The following F13B variants were observed in gnomAD, a reference collection of about 807,000 sequenced individuals.
The protein encoded by F13B is coagulation factor XIII B chain.
F13B carries 58 observed loss-of-function variants against 79.8 expected under a neutral mutation model. That is an observed-to-expected ratio of 0.73 (90% CI 0.59 to 0.90). The LOEUF (loss-of-function observed/expected upper bound fraction) is 0.90, where lower values mean the gene tolerates loss of function less well. Ranked by LOEUF, F13B falls within the 40% of genes least tolerant of loss-of-function variation. The pLI, the probability that F13B is intolerant of heterozygous loss-of-function variation, is 0.00. For missense variants in F13B, 773 were observed against 777.0 expected (o/e 0.99, Z 0.06); for synonymous variants, 283 against 260.3 (o/e 1.09, Z -0.84).
In F13B at chr1:197,055,812, G is replaced by A; in HGVS notation, c.1257C>T (p.Ser419=). The A allele has an allele frequency of 3.1e-6, 5 of 1,613,474 alleles. No individual in the cohort carries two copies. The highest frequency in any genetic ancestry group is 4.2e-6 in the Non-Finnish European group (5 of 1,179,760). Residue 419 remains serine, a synonymous_variant, in exon 8 of 12, where the codon TCC becomes TCT. Coordinates refer to ENST00000367412, the MANE Select transcript of F13B (RefSeq NM_001994.3). The part of the protein sequence containing the change: ...DGILASYATG[S]SVEYRCNEYY... Reference sequence around the variant, plus strand: ...ATTCATTGCATCTATATTCCACTGAGGATCCTGTTGCATAGCTTGCCAATA... The same window carrying A: ...ATTCATTGCATCTATATTCCACTGAAGATCCTGTTGCATAGCTTGCCAATA...
intron 8 of F13B, among the ~76,000 whole-genome samples, chr1:197,055,258 G>A (rs1046902144): frequency 6.6e-6 from 1 of 151,896 alleles, no homozygotes; most frequent in Non-Finnish European, 1.5e-5. Flanking sequence ...TTCAGATGAG[G>A]ATGCGGTGGT....
At chr1:197,052,605 G>T (rs887394171) in intron 9 of F13B, 29 bp downstream of exon 9, 1 of 1,494,958 alleles carries the variant, frequency 6.7e-7, no homozygotes, top group Admixed American at 1.7e-5. Context: ...GTCAAGTAAA[G>T]ATACTTGCAG....
At chr1:197,059,648 A>C (rs551032255) in intron 5 of F13B, among the ~76,000 whole-genome samples, 1 of 152,296 alleles carries the variant, frequency 6.6e-6, no homozygotes, top group African/African-American at 2.4e-5. Flanking sequence ...ACCAATCAGA[A>C]TCTCTAATGT....
In F13B at chr1:197,062,959, A is replaced by AT. The variant is rs746736072; in HGVS notation, c.162dup (p.Leu55IlefsTer12). The AT allele has an allele frequency of 1.9e-6, 3 of 1,613,778 alleles. No individual in the cohort carries two copies. The highest frequency in any genetic ancestry group is 2.2e-5 in the East Asian group (1 of 44,846). On this transcript the variant is annotated frameshift_variant, in exon 2 of 12. Coordinates refer to ENST00000367412, the MANE Select transcript of F13B (RefSeq NM_001994.3). LOFTEE classifies it high-confidence loss of function. ...TAACCAGCCAAGCAGAAAAATGACA[A>AT]TTTTTTGTCTATGCTCATTGGAAAG...
chr1:197,063,415 C>A (rs1655940210), intron 1 of F13B, among the ~76,000 whole-genome samples: 1 of 152,012 alleles, frequency 6.6e-6, no homozygotes, highest in Admixed American at 6.6e-5. Flanking sequence ...ACCAGGAGCT[C>A]CTGGGCTTAA....
chr1:197,041,837 C>T (rs896896522), intron 10 of F13B, among the ~76,000 whole-genome samples: 4 of 152,014 alleles, frequency 2.6e-5, no homozygotes, highest in Non-Finnish European at 5.9e-5. Flanking sequence ...TTTCTTTTTC[C>T]TTCTTCACAC....
intron 10 of F13B, among the ~76,000 whole-genome samples, chr1:197,047,398 T>G (rs183140871): frequency 6.6e-6 from 1 of 152,188 alleles, no homozygotes; most frequent in Admixed American, 6.6e-5. Context: ...AACAGACATA[T>G]GAAAAAATGC....
chr1:197,053,242 A>G (rs1362754021), intron 8 of F13B, among the ~76,000 whole-genome samples: 2 of 152,132 alleles, frequency 1.3e-5, no homozygotes, highest in African/African-American at 4.8e-5. Flanking sequence ...CATAATAAAT[A>G]TAATAAAGAC....
chr1:197,044,758 G>A (rs950372257), intron 10 of F13B, among the ~76,000 whole-genome samples: 9 of 152,080 alleles, frequency 5.9e-5, no homozygotes, highest in African/African-American at 2.2e-4. Flanking sequence ...ATAACTGCAA[G>A]TAAAACACTC....
Position 197,057,324 on chromosome 1 carries a change from C to T in F13B, c.947G>A (p.Cys316Tyr), listed in dbSNP as rs1655682258. 2.5e-6 allele frequency: 4 copies of T among 1,613,834 alleles called. No individual in the cohort carries two copies. Among genetic ancestry groups the T allele is most frequent in the Non-Finnish European group, 3.4e-6 (4 of 1,179,934 alleles). ...AGGTTCTGTCCATTTTCCATCTTCA[C>T]AACGTATTTCTGCTGACCCATGGAT... ...FEIHGSAEIR[C>Y]EDGKWTEPPK... Residue 316 changes from cysteine to tyrosine, a missense_variant, in exon 6 of 12, where the codon TGT (cysteine) becomes TAT (tyrosine). By Grantham distance (194) the Cys-to-Tyr change is radical. Coordinates refer to ENST00000367412, the MANE Select transcript of F13B (RefSeq NM_001994.3).
At chr1:197,060,844 C>T (rs1015558875) in intron 4 of F13B, 55 bp downstream of exon 4, 1 of 1,508,096 alleles carries the variant, frequency 6.6e-7, no homozygotes, top group Non-Finnish European at 9.2e-7. Flanking sequence ...ATACACTTCT[C>T]TATGAGAAAA....
Position 197,057,132 on chromosome 1 carries a change from G to C in F13B, c.1052C>G (p.Ser351Cys), listed in dbSNP as rs1655672216. 6.2e-7 allele frequency: 1 copy of C among 1,613,902 alleles called. No individual in the cohort carries two copies. The highest frequency in any genetic ancestry group is 8.5e-7 in the Non-Finnish European group (1 of 1,179,926). Reference sequence around the variant, plus strand: ...TTTATCCCCATTGTAATAAATCTTAGAGTGTAAATTTGCTGCACCATTTTC... The same window carrying C: ...TTTATCCCCATTGTAATAAATCTTACAGTGTAAATTTGCTGCACCATTTTC... ...FIENGAANLH[S>C]KIYYNGDKVT... The change falls in exon 7 of 12, where the codon TCT becomes TGT. Residue 351 changes from serine (S) to cysteine (C), a missense_variant. Physicochemically the swap from Ser to Cys is moderately radical, Grantham distance 112 (BLOSUM62 -1). Transcript: ENST00000367412.
intron 11 of F13B, chr1:197,040,109 AC>A (rs1216341892): frequency 6.1e-6 from 1 of 163,442 alleles, no homozygotes; most frequent in Non-Finnish European, 1.3e-5. Flanking sequence ...CAAAAGTTAC[AC>A]AAAAATGTGG....
Position 197,067,179 on chromosome 1 carries a change from T to G in F13B, c.45A>C (p.Ser15=), listed in dbSNP as rs754384426. The change falls in exon 1 of 12, where the codon TCA becomes TCC. Residue 15 remains serine, a synonymous_variant. Coordinates refer to ENST00000367412, the MANE Select transcript of F13B (RefSeq NM_001994.3). ...NLTFIIILII[S]GELYAEEKPC... Reference sequence around the variant, plus strand: ...TTTTACCTTCTGCATAGAGTTCTCCTGAGATTATCAATATGATGATAAAAG... The same window carrying G: ...TTTTACCTTCTGCATAGAGTTCTCCGGAGATTATCAATATGATGATAAAAG... 120 of 1,604,014 alleles carry G rather than the reference T, an allele frequency of 7.5e-5. No individual in the cohort carries two copies. The highest frequency in any genetic ancestry group is 1.0e-4 in the Non-Finnish European group (117 of 1,171,832).
chr1:197,048,260 G>T (rs1386799401), intron 10 of F13B, among the ~76,000 whole-genome samples: 2 of 151,620 alleles, frequency 1.3e-5, no homozygotes, highest in Non-Finnish European at 2.9e-5. Flanking sequence ...AGTTGGTAGG[G>T]TTGGTAGGTA....
At chr1:197,053,920 G>C (rs1655542008) in intron 8 of F13B, among the ~76,000 whole-genome samples, 1 of 152,032 alleles carries the variant, frequency 6.6e-6, no homozygotes, top group South Asian at 2.1e-4. Flanking sequence ...TTGTGGAAGA[G>C]TAAGGAGACC....
chr1:197,059,997 C>T (rs967189709), intron 5 of F13B, among the ~76,000 whole-genome samples: 2 of 152,068 alleles, frequency 1.3e-5, no homozygotes, highest in Non-Finnish European at 2.9e-5. Context: ...TTAATTTTTA[C>T]ATCTGGAAAT....
rs769513899 is a variant in F13B at position 197,067,224 on chromosome 1, C to G, written c.-1G>C. 13 of 1,606,564 alleles carry G rather than the reference C, an allele frequency of 8.1e-6. No homozygotes were observed. Among genetic ancestry groups the G allele is most frequent in the Non-Finnish European group, 9.4e-6 (11 of 1,173,952 alleles). The stretch of plus-strand genomic sequence containing the variant: ...TAAAAGTCAGGTTTTTCAACCTCAT[C>G]TTCAGTGGTGTGCTTCACAAAGATT... On this transcript the variant is annotated 5_prime_UTR_variant, in exon 1 of 12. Transcript: ENST00000367412.
intron 5 of F13B, 92 bp downstream of exon 5, chr1:197,060,274 A>T: frequency 1.1e-6 from 1 of 906,252 alleles, no homozygotes; most frequent in Non-Finnish European, 1.7e-6. Flanking sequence ...AGGAAAAAAA[A>T]TAGATATGAC....
Sources: gnomAD v4.1 joint callset for allele counts (sites outside exome capture counted in the v4.1 genomes callset) on GRCh38, gnomAD v4.1.1 for gene constraint, MANE v1.5 for transcripts, NCBI Gene and HGNC (gene_info 2026-07-23, HGNC 2026-07-21) for gene names.